Variants in TENM2 observed in about 807,000 individuals in gnomAD.
TENM2 encodes teneurin-2.
A neutral mutation model predicts 245.2 loss-of-function variants in TENM2; 52 were observed. That is an observed-to-expected ratio of 0.21 (90% CI 0.17 to 0.27). The LOEUF is 0.27. Among genes scored for constraint, TENM2 ranks in the 10% least tolerant of loss-of-function variants. The pLI, the probability that TENM2 is intolerant of heterozygous loss-of-function variation, is 1.00. For missense variants in TENM2, 3,046 were observed against 3,666.8 expected (o/e 0.83, Z 4.37); for synonymous variants, 1,363 against 1,438.9 (o/e 0.95, Z 1.19).
intron 5 of TENM2, among the ~76,000 whole-genome samples, chr5:168,023,334 C>A (rs567352118): frequency 5.3e-5 from 8 of 152,160 alleles, no homozygotes; most frequent in African/African-American, 1.4e-4. Flanking sequence ...CTGGGTAAGC[C>A]GTGATGATTT....
At chr5:167,664,788 C>T (rs1755462733) in intron 2 of TENM2, among the ~76,000 whole-genome samples, 1 of 152,180 alleles carries the variant, frequency 6.6e-6, no homozygotes, top group Non-Finnish European at 1.5e-5. Flanking sequence ...ATTGGTGTGA[C>T]ATGATGATAG....
chr5:167,956,791 T>C (rs1349157619), intron 4 of TENM2, among the ~76,000 whole-genome samples: 1 of 152,074 alleles, frequency 6.6e-6, no homozygotes, highest in Non-Finnish European at 1.5e-5. Flanking sequence ...TTTGCGTATG[T>C]TGAACCAGCC....
At chr5:167,999,153 G>A (rs1183467373) in intron 5 of TENM2, among the ~76,000 whole-genome samples, 2 of 152,174 alleles carry the variant, frequency 1.3e-5, no homozygotes, top group African/African-American at 4.8e-5. Flanking sequence ...ACTGCTCTTT[G>A]ACTATCTGGA....
intron 2 of TENM2, among the ~76,000 whole-genome samples, chr5:167,440,196 A>G (rs770367781): frequency 4.6e-5 from 7 of 152,244 alleles, no homozygotes; most frequent in Non-Finnish European, 8.8e-5. Flanking sequence ...TAAATAATAT[A>G]TTGAGATCAT....
At chr5:168,158,829 GTATA>G (rs780328417) in intron 12 of TENM2, among the ~76,000 whole-genome samples, 6 of 63,718 alleles carry the variant, frequency 9.4e-5, no homozygotes, top group South Asian at 5.3e-4. Context: ...GTGTGTGTGT[GTATA>G]TATATATATA....
chr5:168,036,086 C>A (rs1787637636), intron 5 of TENM2, among the ~76,000 whole-genome samples: 3 of 152,116 alleles, frequency 2.0e-5, no homozygotes. Context: ...AGACACCAGC[C>A]CCTACCTGGG....
At chr5:168,131,841 C>A (rs1754609378) in intron 12 of TENM2, among the ~76,000 whole-genome samples, 3 of 152,136 alleles carry the variant, frequency 2.0e-5, no homozygotes, top group Non-Finnish European at 4.4e-5. Flanking sequence ...TACCACCAGG[C>A]CTGTGGAATC....
At chr5:167,987,679 C>T (rs1260759900) in intron 4 of TENM2, among the ~76,000 whole-genome samples, 1 of 151,996 alleles carries the variant, frequency 6.6e-6, no homozygotes, top group Non-Finnish European at 1.5e-5. Flanking sequence ...GGATAGGGCC[C>T]AGGATTTTGT....
At chr5:168,113,455 T>G (rs2152320902) in intron 9 of TENM2, among the ~76,000 whole-genome samples, 1 of 152,300 alleles carries the variant, frequency 6.6e-6, no homozygotes, top group East Asian at 1.9e-4. Context: ...GATGTAGGCA[T>G]TTTCCCTCTG....
chr5:168,055,506 T>C (rs968053495), intron 6 of TENM2, among the ~76,000 whole-genome samples: 2 of 152,300 alleles, frequency 1.3e-5, no homozygotes, highest in Admixed American at 1.3e-4. Context: ...ATGTGACCTG[T>C]TGTCTGCCCC....
chr5:167,532,538 C>T (rs1771576171), intron 2 of TENM2, among the ~76,000 whole-genome samples: 1 of 151,870 alleles, frequency 6.6e-6, no homozygotes, highest in African/African-American at 2.4e-5. Flanking sequence ...TTAAAACCAT[C>T]AGATCTCATG....
At chr5:167,295,828 A>G (rs1424219377) in intron 1 of TENM2, among the ~76,000 whole-genome samples, 4 of 152,122 alleles carry the variant, frequency 2.6e-5, no homozygotes, top group Non-Finnish European at 4.4e-5. Context: ...AAGTTACTCA[A>G]TATTCCTCCT....
At chr5:168,215,626 G>A (rs1449154914) in intron 21 of TENM2, among the ~76,000 whole-genome samples, 1 of 152,194 alleles carries the variant, frequency 6.6e-6, no homozygotes, top group Non-Finnish European at 1.5e-5. Context: ...CCGAGATCGC[G>A]CCACTGCACT....
chr5:167,075,107 C>T, the TENM2 span, among the ~76,000 whole-genome samples: 11 of 152,026 alleles, frequency 7.2e-5, no homozygotes, highest in African/African-American at 1.4e-4. Context: ...AATAGGAAGG[C>T]GTATGGTGAA....
At chr5:167,135,895 T>A in the TENM2 span, among the ~76,000 whole-genome samples, 2 of 152,168 alleles carry the variant, frequency 1.3e-5, no homozygotes, top group African/African-American at 2.4e-5. Context: ...TGATTGAAAG[T>A]AGTATAAACA....
chr5:167,451,651 T>G (rs76486503), intron 2 of TENM2, among the ~76,000 whole-genome samples: 14 of 86,844 alleles, frequency 1.6e-4, no homozygotes, highest in African/African-American at 4.7e-4. Context: ...AGCAACTGAT[T>G]TTTTTTTTTT....
At chr5:167,401,909 T>C (rs529897246) in intron 2 of TENM2, among the ~76,000 whole-genome samples, 1 of 152,224 alleles carries the variant, frequency 6.6e-6, no homozygotes, top group African/African-American at 2.4e-5. Context: ...AAACAGAACT[T>C]ATAGAGGATA....
At chr5:167,467,827 T>C (rs1766765241) in intron 2 of TENM2, among the ~76,000 whole-genome samples, 1 of 152,184 alleles carries the variant, frequency 6.6e-6, no homozygotes, top group South Asian at 2.1e-4. Flanking sequence ...TATATTATAG[T>C]AGATTAAGTA....
intron 2 of TENM2, among the ~76,000 whole-genome samples, chr5:167,773,361 G>A (rs1763528356): frequency 6.6e-6 from 1 of 152,208 alleles, no homozygotes; most frequent in Admixed American, 6.5e-5. Flanking sequence ...TGCTAAATTA[G>A]AATGATGCTC....
Sources: allele counts gnomAD v4.1 joint callset (sites outside exome capture counted in the v4.1 genomes callset), GRCh38; gene constraint gnomAD v4.1.1; transcripts MANE v1.5; gene names NCBI Gene and HGNC (gene_info 2026-07-23, HGNC 2026-07-21).